Variants in LAMA5 observed in about 807,000 individuals in gnomAD.
LAMA5 encodes the protein laminin subunit alpha 5, also known as laminin subunit alpha-5.
Under a neutral mutation model 433.4 loss-of-function variants are expected in LAMA5, and 260 were observed. The ratio of observed to expected loss-of-function variants is 0.60; its 90% CI spans 0.54 to 0.66. LAMA5 has a LOEUF of 0.66. Among genes scored for constraint, LAMA5 ranks in the 30% least tolerant of loss-of-function variants. LAMA5 has a pLI of 0.00. For missense variants in LAMA5, 5,378 were observed against 5,258.5 expected (o/e 1.02, Z -0.70); for synonymous variants, 2,620 against 2,226.6 (o/e 1.18, Z -4.97).
intron 54 of LAMA5, 53 bp downstream of exon 54, chr20:62,317,609 G>A: frequency 6.6e-7 from 1 of 1,517,856 alleles, no homozygotes; most frequent in South Asian, 1.3e-5. Flanking sequence ...CACGGGCCTG[G>A]GAGGGAGTTG....
chr20:62,319,758 G>A lies in LAMA5; in HGVS notation c.6797C>T (p.Ala2266Val), dbSNP rs1355943078. 33 of 1,548,788 alleles carry A rather than the reference G, an allele frequency of 2.1e-5. No individual in the cohort carries two copies. The highest frequency in any genetic ancestry group is 2.9e-5 in the Non-Finnish European group (33 of 1,147,224). Residue 2266 changes from alanine (A) to valine (V), a missense_variant, in exon 51 of 80, where the codon GCC (alanine) becomes GTC (valine). Physicochemically the swap from Ala to Val is moderately conservative, Grantham distance 64. Transcript: ENST00000252999. ...GTRDQASQLL[A>V]GTEATLGHAK... ...ATGGCCCAGTGTGGCCTCGGTGCCG[G>A]CCAGCAATTGGCTCGCCTGGTCTCG...
chr20:62,318,598 T>G lies in LAMA5; in HGVS notation c.7095A>C (p.Ala2365=), dbSNP rs1987311852. 1 of 1,610,796 alleles carries G rather than the reference T, an allele frequency of 6.2e-7. No individual in the cohort carries two copies. Among genetic ancestry groups the G allele is most frequent in the Non-Finnish European group, 8.5e-7 (1 of 1,179,040 alleles). The change falls in exon 53 of 80, where the codon GCA becomes GCC. Residue 2365 remains alanine, a synonymous_variant. Transcript: ENST00000252999. The stretch of plus-strand genomic sequence containing the variant: ...GCCGGTCGCGGGTTTGTGTGGCCAG[T>G]GCCTGGTTCTCCTCCCAGAGGCTGC... ...QLSSLWEENQ[A]LATQTRDRLA... is the part of the protein sequence containing the mutation.
Position 62,315,222 on chromosome 20 carries a change from G to GGGCAGGCTC in LAMA5, c.7868-24_7868-16dup. On this transcript the variant is annotated splice_polypyrimidine_tract_variant and intron_variant, in intron 58 of 79. Transcript: ENST00000252999. The stretch of plus-strand genomic sequence containing the variant: ...GCTTGTCTCGTCTGTGGTGGGCAGA[G>GGGCAGGCTC]GGCAGGCTCAGCAGGGGCCAGCGGG... 1.3e-6 allele frequency: 2 copies of GGGCAGGCTC among 1,592,840 alleles called. No homozygotes were observed. Among genetic ancestry groups the GGGCAGGCTC allele is most frequent in the Non-Finnish European group, 1.7e-6 (2 of 1,168,718 alleles).
chr20:62,326,938 T>C lies in LAMA5; in HGVS notation c.5141A>G (p.Tyr1714Cys), dbSNP rs368392903. ...CCGCTGGGTCTCTGAGTGCAGTTCATAACGGAGGGTCCCACCGTAGGATGA... is the reference window on the plus strand; with the variant it reads ...CCGCTGGGTCTCTGAGTGCAGTTCACAACGGAGGGTCCCACCGTAGGATGA... The part of the protein sequence containing the change: ...RVSSYGGTLR[Y>C]ELHSETQRGD... The change falls in exon 39 of 80, where the codon TAT becomes TGT. Residue 1714 changes from tyrosine (Y) to cysteine (C), a missense_variant. Transcript: ENST00000252999. 6.2e-7 allele frequency: 1 copy of C among 1,610,994 alleles called. No individual in the cohort carries two copies. The highest frequency in any genetic ancestry group is 8.5e-7 in the Non-Finnish European group (1 of 1,178,492).
intron 40 of LAMA5, among the ~76,000 whole-genome samples, chr20:62,326,232 CA>C (rs79555565): frequency 0.094 from 5,977 of 63,672 alleles, 118 homozygotes; most frequent in African/African-American, 0.097. Flanking sequence ...AACAAACAAA[CA>C]AAAAAAAAAA....
intron 1 of LAMA5, among the ~76,000 whole-genome samples, chr20:62,365,230 G>A (rs938110781): frequency 6.6e-6 from 1 of 152,208 alleles, no homozygotes; most frequent in Non-Finnish European, 1.5e-5. Flanking sequence ...CTGAGGCATG[G>A]AGCACCACAG....
intron 6 of LAMA5, among the ~76,000 whole-genome samples, chr20:62,348,895 T>A (rs929595594): frequency 6.6e-6 from 1 of 151,932 alleles, no homozygotes; most frequent in East Asian, 1.9e-4. Flanking sequence ...TGCTCCTGTA[T>A]CTAATGGGGA....
rs371394367 is a variant in LAMA5, at chr20:62,316,888, C to A, written c.7647G>T (p.Thr2549=). Reference sequence around the variant, plus strand: ...GGGAAGTGAGGGGCCTCACCGCCCACGTGTGGTCCGCCTGCTGCAGGGCCT... The same window carrying A: ...GGGAAGTGAGGGGCCTCACCGCCCAAGTGTGGTCCGCCTGCTGCAGGGCCT... ...AGQALQQADH[T]WATVVRQGLV... is the part of the protein sequence containing the mutation. The change falls in exon 56 of 80, where the codon ACG becomes ACT. Residue 2549 remains threonine (T), a synonymous_variant. Transcript: ENST00000252999. The A allele has an allele frequency of 5.9e-6, 9 of 1,531,952 alleles. No individual in the cohort carries two copies. In the African/African-American group the frequency reaches 1.1e-4, roughly 18 times the overall value. The allele number at this position is 1,531,952 out of a possible 1,614,324, so 94.9% of individuals were successfully genotyped here.
Position 62,324,125 on chromosome 20 carries a change from G to T in LAMA5, c.5723C>A (p.Ala1908Asp), listed in dbSNP as rs1978830441. 3.9e-6 allele frequency: 6 copies of T among 1,536,120 alleles called. No homozygotes were observed. The highest frequency in any genetic ancestry group is 1.7e-4 in the Middle Eastern group (1 of 5,730). Residue 1908 changes from alanine to aspartate, a missense_variant, in exon 43 of 80, where the codon GCC becomes GAC. Transcript: ENST00000252999. This position sits in a 1 kb window ranked among gnomAD's most constrained non-coding sequence, Gnocchi z 4.4. ...GGGGCAGGGGCAGCTGACACAGGGG[G>T]CGCTGGGGTCGTCCCTGCTGCTCAC... ...GFVSSRDDPS[A>D]PCVSCPCPLS...
chr20:62,323,283 C>G (rs998529639), intron 45 of LAMA5, among the ~76,000 whole-genome samples, 173 bp downstream of exon 45: 3 of 143,560 alleles, frequency 2.1e-5, no homozygotes, highest in Non-Finnish European at 3.1e-5. Flanking sequence ...GCGGGAGGAC[C>G]GGATCATAGC....
chr20:62,318,944 C>T lies in LAMA5; in HGVS notation c.6941G>A (p.Arg2314Gln), dbSNP rs373853767. 4.8e-5 allele frequency: 76 copies of T among 1,597,336 alleles called. No homozygotes were observed. Among genetic ancestry groups the T allele is most frequent in the East Asian group, 6.8e-5 (3 of 44,360 alleles). ...ASAPSGEQLL[R>Q]TLAEVERLLW... ...CAGCCGCTCCACCTCGGCCAGTGTC[C>T]GGAGCAGCTGCTCACCTGATGGAGC... is the stretch of plus-strand genomic sequence containing the variant. Residue 2314 changes from arginine to glutamine, a missense_variant, in exon 52 of 80, where the codon CGG (arginine) becomes CAG (glutamine). By Grantham distance (43) the Arg-to-Gln change is conservative. Transcript: ENST00000252999.
chr20:62,314,470 T>C (rs768268258), intron 61 of LAMA5, 30 bp from the exon 62 acceptor site: 35 of 1,612,290 alleles, frequency 2.2e-5, no homozygotes, highest in Non-Finnish European at 2.3e-5. Flanking sequence ...ACAGTCGGGA[T>C]GGGGACCGGG....
At chr20:62,323,380 C>A in intron 45 of LAMA5, 76 bp downstream of exon 45, 4 of 1,205,234 alleles carry the variant, frequency 3.3e-6, no homozygotes, top group East Asian at 2.6e-5. Flanking sequence ...AGCCTACTTA[C>A]GGGGTACGCC....
At position 62,311,744 on chromosome 20, in the gene LAMA5, G is replaced by A. The variant is rs777611514; in HGVS notation, c.9676C>T (p.Pro3226Ser). The change falls in exon 71 of 80, where the codon CCC (proline) becomes TCC (serine). Residue 3226 changes from proline to serine, a missense_variant. Transcript: ENST00000252999. ...AGCTCGGGGGGTGGTCCCCGGTGGG[G>A]CTTCATCTGCTGGAGCTGGTCATCG... The part of the protein sequence containing the change: ...YVDDQLQQMK[P>S]HRGPPPELQP... 6.4e-7 allele frequency: 1 copy of A among 1,560,320 alleles called. No individual in the cohort carries two copies.
At chr20:62,350,638 C>T (rs1050171896) in intron 6 of LAMA5, among the ~76,000 whole-genome samples, 1 of 152,182 alleles carries the variant, frequency 6.6e-6, no homozygotes, top group African/African-American at 2.4e-5. Flanking sequence ...CTAGATGAGC[C>T]CTGCCAGCTC....
Position 62,311,097 on chromosome 20 carries a change from G to A in LAMA5, c.10089-3C>T, listed in dbSNP as rs73144977. 0.079 allele frequency: 123,616 copies of A among 1,571,072 alleles called. 5,599 individuals are homozygous for A. Among genetic ancestry groups the A allele is most frequent in the Non-Finnish European group, 0.092 (106,834 of 1,156,276 alleles). On this transcript the variant is annotated splice_polypyrimidine_tract_variant and splice_region_variant and intron_variant, in intron 73 of 79. Coordinates refer to ENST00000252999, the MANE Select transcript of LAMA5 (RefSeq NM_005560.6). ...GGACGTGCATGGAGAGACTGGGCCT[G>A]GAAGCGGAGCTGGCGTCAGCCTGCG... is the stretch of plus-strand genomic sequence containing the variant.
chr20:62,310,236 A>G lies in LAMA5; in HGVS notation c.10676T>C (p.Phe3559Ser). 3 of 1,612,532 alleles carry G rather than the reference A, an allele frequency of 1.9e-6. No individual in the cohort carries two copies. Among genetic ancestry groups the G allele is most frequent in the Non-Finnish European group, 2.5e-6 (3 of 1,179,920 alleles). Residue 3559 changes from phenylalanine to serine, a missense_variant, in exon 77 of 80, where the codon TTC becomes TCC. Physicochemically the swap from Phe to Ser is radical, Grantham distance 155. Transcript: ENST00000252999. ...VRPLAVTGLI[F>S]HLGQARTPPY... is the part of the protein sequence containing the mutation. ...GGGCGTCCGGGCCTGGCCCAAGTGG[A>G]AGATCAGTCCGGTGACTGCCAGGGG... is the stretch of plus-strand genomic sequence containing the variant.
Position 62,316,703 on chromosome 20 carries a change from G to A in LAMA5, c.7724C>T (p.Ala2575Val), listed in dbSNP as rs776368927. ...CAGCCTCTGCTGTTCCTGGAGCATGGCCTCTTCTAGTGCAGTGCTGTTGGC... is the reference window on the plus strand; with the variant it reads ...CAGCCTCTGCTGTTCCTGGAGCATGACCTCTTCTAGTGCAGTGCTGTTGGC... ...LLANSTALEE[A>V]MLQEQQRLGL... The change falls in exon 57 of 80, where the codon GCC becomes GTC. Residue 2575 changes from alanine (A) to valine (V), a missense_variant. Physicochemically the swap from Ala to Val is moderately conservative, Grantham distance 64. Coordinates refer to ENST00000252999, the MANE Select transcript of LAMA5 (RefSeq NM_005560.6). 2 of 1,607,796 alleles carry A rather than the reference G, an allele frequency of 1.2e-6. No homozygotes were observed. The highest frequency in any genetic ancestry group is 1.1e-5 in the South Asian group (1 of 90,700).
At position 62,327,575 on chromosome 20, in the gene LAMA5, A is replaced by G. The variant is rs779328302; in HGVS notation, c.4892T>C (p.Phe1631Ser). The G allele has an allele frequency of 1.2e-6, 2 of 1,612,922 alleles. No homozygotes were observed. The highest frequency in any genetic ancestry group is 1.7e-6 in the Non-Finnish European group (2 of 1,180,002). Reference sequence around the variant, plus strand: ...GCTCCGGCAGCGCTCCGTGGCCCCAAAGCAGAAGCAGCGGGTGCAACCTTT... The same window carrying G: ...GCTCCGGCAGCGCTCCGTGGCCCCAGAGCAGAAGCAGCGGGTGCAACCTTT... ...NPKGCTRCFC[F>S]GATERCRSSS... The change falls in exon 37 of 80, where the codon TTT becomes TCT. Residue 1631 changes from phenylalanine (F) to serine (S), a missense_variant. Phe to Ser is a radical substitution (Grantham distance 155, BLOSUM62 -2). Coordinates refer to ENST00000252999, the MANE Select transcript of LAMA5 (RefSeq NM_005560.6).
Sources: gnomAD v4.1 joint callset for allele counts (sites outside exome capture counted in the v4.1 genomes callset) on GRCh38, gnomAD v4.1.1 for gene constraint, Gnocchi (gnomAD v3.1) non-coding constraint, MANE v1.5 for transcripts, NCBI Gene and HGNC (gene_info 2026-07-23, HGNC 2026-07-21) for gene names.